Variants in RERE observed in about 807,000 individuals in gnomAD.
The protein encoded by RERE is arginine-glutamic acid dipeptide repeats, also known as arginine-glutamic acid dipeptide repeats protein.
Under a neutral mutation model 146.1 loss-of-function variants are expected in RERE, and 40 were observed. That is an observed-to-expected ratio of 0.27 (90% CI 0.21 to 0.36). The LOEUF (loss-of-function observed/expected upper bound fraction) is 0.36. Among genes scored for constraint, RERE ranks in the 10% least tolerant of loss-of-function variants. The pLI is 1.00. For synonymous variants in RERE, 1,003 were observed against 866.0 expected (o/e 1.16, Z -2.78); for missense variants, 1,933 against 2,138.7 (o/e 0.90, Z 1.90).
intron 10 of RERE, among the ~76,000 whole-genome samples, chr1:8,470,734 T>G (rs1175691737): frequency 1.3e-5 from 2 of 152,050 alleles, no homozygotes; most frequent in African/African-American, 4.8e-5. Flanking sequence ...GGGCACTATC[T>G]TCTTAATGTT....
intron 1 of RERE, chr1:8,751,092 C>A (rs573924193): frequency 2.0e-6 from 1 of 490,492 alleles, no homozygotes; most frequent in East Asian, 3.8e-5. Flanking sequence ...ATGAAGAAAA[C>A]CTTGACTATC....
chr1:8,416,582 T>C (rs1360639624), intron 12 of RERE, among the ~76,000 whole-genome samples: 1 of 76,488 alleles, frequency 1.3e-5, no homozygotes, highest in Non-Finnish European at 2.5e-5. Flanking sequence ...CGAGACTCCA[T>C]CTCCAAAAAA....
At chr1:8,360,069 G>A (rs751246286) in intron 18 of RERE, 43 bp downstream of exon 18, 122 of 1,259,890 alleles carry the variant, frequency 9.7e-5, no homozygotes, top group Non-Finnish European at 1.2e-4. Context: ...GCCCCCACCA[G>A]CCCACCTGTG....
At chr1:8,649,093 A>G (rs1242040784) in intron 2 of RERE, among the ~76,000 whole-genome samples, 1 of 152,202 alleles carries the variant, frequency 6.6e-6, no homozygotes, top group African/African-American at 2.4e-5. Context: ...TTAATATGCC[A>G]CCTACAGCAA....
intron 10 of RERE, among the ~76,000 whole-genome samples, chr1:8,490,361 AAAAGAAAAG>A (rs1274434613): frequency 1.4e-5 from 2 of 147,400 alleles, no homozygotes; most frequent in Non-Finnish European, 3.0e-5. Context: ...AAAAAAAAAG[AAAAGAAAAG>A]AAAAGAAACC....
At chr1:8,420,783 C>G (rs1340558908) in intron 12 of RERE, among the ~76,000 whole-genome samples, 1 of 152,042 alleles carries the variant, frequency 6.6e-6, no homozygotes, top group Non-Finnish European at 1.5e-5. Context: ...ACTGTGAAGG[C>G]GGAGGAGTGA....
chr1:8,575,552 TA>T (rs1193557965), intron 4 of RERE, among the ~76,000 whole-genome samples: 2,208 of 77,218 alleles, frequency 0.029, 80 homozygotes, highest in African/African-American at 0.12. Context: ...TATATATATA[TA>T]TATATATATT....
intron 1 of RERE, 38 bp from the exon 2 acceptor site, chr1:8,656,479 T>C (rs1246067720): frequency 2.5e-6 from 2 of 810,118 alleles, no homozygotes; most frequent in Non-Finnish European, 3.8e-6. Context: ...CGCTTTTTCA[T>C]ATTTGTTTCC....
At chr1:8,610,684 T>C (rs1411702054) in intron 4 of RERE, among the ~76,000 whole-genome samples, 1 of 152,184 alleles carries the variant, frequency 6.6e-6, no homozygotes, top group Non-Finnish European at 1.5e-5. Flanking sequence ...ATGCTTGCTA[T>C]ATGCTAAGTA....
intron 8 of RERE, among the ~76,000 whole-genome samples, chr1:8,501,920 C>T (rs1645167358): frequency 1.1e-5 from 1 of 95,094 alleles, no homozygotes; most frequent in African/African-American, 4.0e-5. Flanking sequence ...CCAGCCGCCC[C>T]GTCCGGGAGG....
At chr1:8,625,857 T>C (rs966472656) in intron 2 of RERE, among the ~76,000 whole-genome samples, 1 of 152,186 alleles carries the variant, frequency 6.6e-6, no homozygotes, top group Non-Finnish European at 1.5e-5. Context: ...ATCAGGATCT[T>C]TGTACCTACC....
chr1:8,382,280 G>A (rs1230572261), intron 12 of RERE, among the ~76,000 whole-genome samples: 4 of 152,246 alleles, frequency 2.6e-5, no homozygotes, highest in Non-Finnish European at 2.9e-5. Flanking sequence ...CTCTGCCAAC[G>A]GCAGTGGTCA....
At chr1:8,711,883 T>C (rs1273641137) in intron 1 of RERE, among the ~76,000 whole-genome samples, 3 of 152,248 alleles carry the variant, frequency 2.0e-5, no homozygotes, top group African/African-American at 4.8e-5. Context: ...TTTATTATTA[T>C]TAGGACATGT....
chr1:8,702,134 T>C lies in RERE; in HGVS notation c.-144-45693A>G, dbSNP rs78900170. 6.6e-5 allele frequency among the ~76,000 whole-genome samples: 10 copies of C among 151,812 alleles called. No individual in the cohort carries two copies. The East Asian group carries it at 1.7e-3, about 26-fold the overall frequency. Reference sequence around the variant, plus strand: ...TGGCACAGAATTGTGAGGACTTTGTTAAATCTGTTCTCAACTTTTACTCAG... The same window carrying C: ...TGGCACAGAATTGTGAGGACTTTGTCAAATCTGTTCTCAACTTTTACTCAG... On this transcript the variant is annotated intron_variant, in intron 1 of 22. Transcript: ENST00000400908.
In RERE at chr1:8,361,551, C is replaced by A. The variant is rs535860026; in HGVS notation, c.2017-61G>T. The A allele has an allele frequency of 5.1e-6, 8 of 1,573,002 alleles. No homozygotes were observed. In the African/African-American group the frequency reaches 5.4e-5, roughly 11 times the overall value. ...AGGGCAGAGCCCTGTCTGCTCTGCA[C>A]CACCAGTGCCGGACACACAGTAATG... On this transcript the variant is annotated intron_variant, in intron 17 of 22. Transcript: ENST00000400908.
intron 10 of RERE, among the ~76,000 whole-genome samples, chr1:8,491,279 A>G (rs1315999284): frequency 6.6e-6 from 1 of 151,930 alleles, no homozygotes; most frequent in Non-Finnish European, 1.5e-5. Flanking sequence ...TGTCTCTACT[A>G]AAAATACAAA....
chr1:8,497,262 C>T lies in RERE; in HGVS notation c.1004+143G>A, dbSNP rs60972739. On this transcript the variant is annotated intron_variant, in intron 9 of 22. Coordinates refer to ENST00000400908, the MANE Select transcript of RERE (RefSeq NM_001042681.2). ...TCTCTGGTAAGAAGAGCCAGGGTCCCGATTACAGAGGGTGTAACCAAACTT... is the reference window on the plus strand; with the variant it reads ...TCTCTGGTAAGAAGAGCCAGGGTCCTGATTACAGAGGGTGTAACCAAACTT... 660 of 737,814 alleles carry T rather than the reference C, an allele frequency of 8.9e-4. 2 individuals are homozygous for T. The African/African-American group carries it at 0.011, about 13-fold the overall frequency. The allele number at this position is 737,814 out of a possible 1,614,324, so 45.7% of individuals were successfully genotyped here.
intron 11 of RERE, among the ~76,000 whole-genome samples, chr1:8,427,999 G>T (rs1233446093): frequency 6.6e-6 from 1 of 152,198 alleles, no homozygotes; most frequent in East Asian, 1.9e-4. Flanking sequence ...CAAGTTCATG[G>T]AGACAGTCTG....
At chr1:8,706,511 G>A (rs1639564401) in intron 1 of RERE, among the ~76,000 whole-genome samples, 1 of 152,150 alleles carries the variant, frequency 6.6e-6, no homozygotes, top group Non-Finnish European at 1.5e-5. Flanking sequence ...TATGCAAACA[G>A]CCACAGGTAA....
Sources: gnomAD v4.1 joint callset for allele counts (sites outside exome capture counted in the v4.1 genomes callset) on GRCh38, gnomAD v4.1.1 for gene constraint, MANE v1.5 for transcripts, NCBI Gene and HGNC (gene_info 2026-07-23, HGNC 2026-07-21) for gene names.